SVEP1: variants seen among roughly 807,000 people sequenced by gnomAD.
SVEP1 encodes sushi, von Willebrand factor type A, EGF and pentraxin domain containing 1, also known as sushi, von Willebrand factor type A, EGF and pentraxin domain-containing protein 1.
SVEP1 carries 164 observed loss-of-function variants against 367.3 expected under a neutral mutation model. The observed-to-expected ratio is 0.45, with a 90% CI of 0.39 to 0.51. The LOEUF is 0.51. Ranked by LOEUF, SVEP1 falls within the 20% of genes least tolerant of loss-of-function variation. SVEP1 has a pLI of 0.00. For synonymous variants in SVEP1, 1,666 were observed against 1,611.6 expected, an observed-to-expected ratio of 1.03 and a Z score of -0.81; for missense variants, 4,117 against 4,425.3, an observed-to-expected ratio of 0.93 and a Z score of 1.98.
At chr9:110,527,694 A>T (rs1033968614) in intron 3 of SVEP1, among the ~76,000 whole-genome samples, 3 of 151,834 alleles carry the variant, frequency 2.0e-5, no homozygotes, top group African/African-American at 7.3e-5. Flanking sequence ...ATTTCATAAA[A>T]TTTTTTTTCA....
Position 110,406,905 on chromosome 9 carries a change from T to G in SVEP1, c.8695A>C (p.Asn2899His). The G allele has an allele frequency of 6.2e-7, 1 of 1,613,936 alleles. No individual in the cohort carries two copies. ...TAGTCCAGGCCTTCCGTCACCCCAT[T>G]GGCCAGTTGTGGCGGGGTGGCACAT... ...VRCATPPQLA[N>H]GVTEGLDYGF... is the part of the protein sequence containing the mutation. Residue 2899 changes from asparagine (N) to histidine (H), a missense_variant, in exon 38 of 48, where the codon AAT becomes CAT. Physicochemically the swap from Asn to His is moderately conservative, Grantham distance 68 (BLOSUM62 1). Coordinates refer to ENST00000374469, the MANE Select transcript of SVEP1 (RefSeq NM_153366.4).
intron 3 of SVEP1, among the ~76,000 whole-genome samples, chr9:110,515,868 T>C (rs142555315): frequency 2.0e-5 from 3 of 152,234 alleles, no homozygotes; most frequent in African/African-American, 7.2e-5. Flanking sequence ...AATATTAACT[T>C]GTTAACTTCC....
chr9:110,467,977 C>T (rs184382579), intron 17 of SVEP1, among the ~76,000 whole-genome samples: 23 of 138,192 alleles, frequency 1.7e-4, no homozygotes, highest in African/African-American at 4.9e-4. Context: ...ACTTTCTCCA[C>T]GTGACATGCC....
intron 3 of SVEP1, among the ~76,000 whole-genome samples, chr9:110,521,964 T>A (rs1030507828): frequency 3.9e-5 from 6 of 152,190 alleles, no homozygotes; most frequent in Non-Finnish European, 8.8e-5. Flanking sequence ...AACATTTTTT[T>A]CCCTTAAATA....
rs1466207779 is a variant in SVEP1, at chr9:110,579,315, C to G, written c.229G>C (p.Glu77Gln). 1.3e-6 allele frequency: 2 copies of G among 1,562,718 alleles called. No homozygotes were observed. Among genetic ancestry groups the G allele is most frequent in the South Asian group, 2.4e-5 (2 of 85,100 alleles). Residue 77 changes from glutamate (E) to glutamine (Q), a missense_variant, in exon 1 of 48, where the codon GAG becomes CAG. Glu to Gln is a conservative substitution (Grantham distance 29). Transcript: ENST00000374469. The surrounding 1 kb of genome is among the most constrained non-coding windows in gnomAD (Gnocchi z 5.3). ...AFRRRVRLLRELSERLELVFL... is the reference protein window; with the variant it reads ...AFRRRVRLLRQLSERLELVFL... ...ACAAGCTCCAGGCGCTCGCTGAGCTCCCGCAGCAGCCGCACGCGTCGCCGG... is the reference window on the plus strand; with the variant it reads ...ACAAGCTCCAGGCGCTCGCTGAGCTGCCGCAGCAGCCGCACGCGTCGCCGG...
At chr9:110,434,955 C>T (rs1415693962) in intron 29 of SVEP1, among the ~76,000 whole-genome samples, 4 of 151,698 alleles carry the variant, frequency 2.6e-5, no homozygotes, top group Non-Finnish European at 5.9e-5. Flanking sequence ...CATAGTATGT[C>T]GGTGGGCCTT....
At chr9:110,405,952 A>G (rs1402021116) in intron 38 of SVEP1, among the ~76,000 whole-genome samples, 1 of 152,214 alleles carries the variant, frequency 6.6e-6, no homozygotes, top group Non-Finnish European at 1.5e-5. Flanking sequence ...TATTAGAAAC[A>G]TGTCTGAAAA....
At chr9:110,391,518 C>CCTCAGGTGACCTACCT (rs1827655364) in intron 40 of SVEP1, among the ~76,000 whole-genome samples, 2 of 151,888 alleles carry the variant, frequency 1.3e-5, no homozygotes, top group Non-Finnish European at 2.9e-5. Flanking sequence ...GTGACCTACC[C>CCTCAGGTGACCTACCT]GCCTCAGCCT....
At chr9:110,496,995 GA>G in intron 7 of SVEP1, 62 bp from the exon 8 acceptor site, 1 of 1,106,584 alleles carries the variant, frequency 9.0e-7, no homozygotes, top group Non-Finnish European at 1.3e-6. Flanking sequence ...ATCATTTAAG[GA>G]AGAGGTACAA....
At chr9:110,516,100 T>C (rs1416703536) in intron 3 of SVEP1, among the ~76,000 whole-genome samples, 3 of 150,858 alleles carry the variant, frequency 2.0e-5, no homozygotes, top group Non-Finnish European at 3.0e-5. Context: ...CATTATAATA[T>C]ACTAAATCAT....
intron 1 of SVEP1, among the ~76,000 whole-genome samples, chr9:110,550,479 TA>T (rs1830271165): frequency 1.9e-5 from 1 of 53,932 alleles, no homozygotes; most frequent in Non-Finnish European, 4.2e-5. Flanking sequence ...TTCCACAAAT[TA>T]TCTATCTATC....
intron 25 of SVEP1, among the ~76,000 whole-genome samples, chr9:110,446,246 A>C (rs1828596059): frequency 6.6e-6 from 1 of 152,246 alleles, no homozygotes; most frequent in Non-Finnish European, 1.5e-5. Flanking sequence ...TAGGAAAAGC[A>C]TTCAATAGTG....
At chr9:110,380,516 C>G (rs1279485856) in intron 43 of SVEP1, among the ~76,000 whole-genome samples, 3 of 152,158 alleles carry the variant, frequency 2.0e-5, no homozygotes, top group Non-Finnish European at 4.4e-5. Context: ...ATATGTTAAA[C>G]CAGCCTTGCA....
chr9:110,400,791 G>T (rs746002281), intron 40 of SVEP1, 63 bp downstream of exon 40: 1 of 1,507,240 alleles, frequency 6.6e-7, no homozygotes, highest in Non-Finnish European at 8.9e-7. Context: ...TGCTAATACT[G>T]AAAGTATCCC....
rs763677351 is a variant in SVEP1 at position 110,384,886 on chromosome 9, C to T, written c.10237+1012G>A. ...TGCAGCCTTGTGCCTTGCCTCTGGT[C>T]GGACTCAATGAATATGTTAATTGAT... On this transcript the variant is annotated intron_variant, in intron 43 of 47. Coordinates refer to ENST00000374469, the MANE Select transcript of SVEP1 (RefSeq NM_153366.4). Among the ~76,000 whole-genome samples, 71 of 152,192 alleles carry T rather than the reference C, an allele frequency of 4.7e-4. 1 individual carries two copies. The highest frequency in any genetic ancestry group is 4.1e-3 in the Admixed American group (63 of 15,282).
intron 36 of SVEP1, among the ~76,000 whole-genome samples, chr9:110,425,691 G>T (rs532997807): frequency 2.0e-5 from 3 of 152,264 alleles, no homozygotes; most frequent in South Asian, 2.1e-4. Flanking sequence ...TTAGATAAAC[G>T]TTAGGCAGAC....
intron 9 of SVEP1, among the ~76,000 whole-genome samples, chr9:110,489,102 A>G (rs1169889650): frequency 6.6e-6 from 1 of 152,104 alleles, no homozygotes; most frequent in Non-Finnish European, 1.5e-5. Context: ...GGAAGAAATC[A>G]AAGAGAAGTG....
Position 110,386,016 on chromosome 9 carries a change from C to T in SVEP1, c.10119G>A (p.Glu3373=), listed in dbSNP as rs766010572. 4.3e-6 allele frequency: 7 copies of T among 1,613,900 alleles called. No homozygotes were observed. In the South Asian group the frequency reaches 7.7e-5, roughly 18 times the overall value. Residue 3373 remains glutamate, a synonymous_variant, in exon 43 of 48, where the codon GAG becomes GAA. Transcript: ENST00000374469. The stretch of plus-strand genomic sequence containing the variant: ...TGGACACATTCTGATCAACATAAAA[C>T]TCCTTTTCAGACAGCAGAGCATTCT... The part of the protein sequence containing the change: ...IPENALLSEK[E]FYVDQNVSIK...
At chr9:110,544,547 A>G (rs1202461422) in intron 3 of SVEP1, among the ~76,000 whole-genome samples, 2 of 152,232 alleles carry the variant, frequency 1.3e-5, no homozygotes, top group East Asian at 3.8e-4. Flanking sequence ...CTCTAATAAG[A>G]TATAAAAATA....
Sources: allele counts gnomAD v4.1 joint callset (sites outside exome capture counted in the v4.1 genomes callset), GRCh38; gene constraint gnomAD v4.1.1; non-coding constraint Gnocchi (gnomAD v3.1); transcripts MANE v1.5; gene names NCBI Gene and HGNC (gene_info 2026-07-23, HGNC 2026-07-21).